The following SEC63 variants were observed in gnomAD, a reference collection of about 807,000 sequenced individuals.
SEC63 encodes translocation protein SEC63 homolog.
Under a neutral mutation model 116.2 loss-of-function variants are expected in SEC63, and 56 were observed. The ratio of observed to expected loss-of-function variants is 0.48; its 90% confidence interval spans 0.39 to 0.60. SEC63 has a LOEUF of 0.60. Among genes scored for constraint, SEC63 ranks in the 20% least tolerant of loss-of-function variants. The pLI is 0.00. For missense variants in SEC63, 668 were observed against 900.0 expected (o/e 0.74, Z 3.30); for synonymous variants, 273 against 294.6 (o/e 0.93, Z 0.75).
At chr6:107,910,833 A>G (rs145077528) in intron 7 of SEC63, among the ~76,000 whole-genome samples, 2 of 151,720 alleles carry the variant, frequency 1.3e-5, no homozygotes, top group African/African-American at 2.4e-5. Flanking sequence ...TAGTGGCACA[A>G]TCTCGGCTCA....
intron 7 of SEC63, among the ~76,000 whole-genome samples, chr6:107,910,043 T>A (rs1466129302): frequency 6.6e-6 from 1 of 152,194 alleles, no homozygotes; most frequent in Non-Finnish European, 1.5e-5. Context: ...AGGTTTTTTT[T>A]AAAATGAATG....
chr6:107,934,786 G>A lies in SEC63; in HGVS notation c.125-5272C>T, dbSNP rs1454745682. On this transcript the variant is annotated intron_variant, in intron 1 of 20. Coordinates refer to ENST00000369002, the MANE Select transcript of SEC63 (RefSeq NM_007214.5). Reference sequence around the variant, plus strand: ...AGGTGAGGGGCGCCTCTGCCCAGCCGCCCCTACTGGGAAGTGAGGAGCCCC... The same window carrying A: ...AGGTGAGGGGCGCCTCTGCCCAGCCACCCCTACTGGGAAGTGAGGAGCCCC... Among the ~76,000 whole-genome samples the A allele has an allele frequency of 9.4e-3, 86 of 9,194 alleles. 28 individuals are homozygous for A. Among genetic ancestry groups the A allele is most frequent in the Admixed American group, 0.09 (78 of 870 alleles). The allele number at this position is 9,194 out of a possible 152,430, so 6.0% of individuals were successfully genotyped here. A position where few individuals can be genotyped will look rare whatever the true frequency, so the allele number is the denominator to read the frequency against.
chr6:107,881,873 T>G (rs1562314298), intron 17 of SEC63, among the ~76,000 whole-genome samples: 1 of 152,210 alleles, frequency 6.6e-6, no homozygotes, highest in African/African-American at 2.4e-5. Context: ...TTAGACAGCC[T>G]TGGGATGTGA....
chr6:107,919,776 C>T (rs530374229), intron 4 of SEC63, among the ~76,000 whole-genome samples: 13 of 150,976 alleles, frequency 8.6e-5, no homozygotes, highest in Middle Eastern at 3.4e-3. Context: ...GAGCCAAGAT[C>T]GCGCCACTCC....
chr6:107,934,261 C>G (rs1274950330), intron 1 of SEC63, among the ~76,000 whole-genome samples: 3 of 151,720 alleles, frequency 2.0e-5, no homozygotes, highest in Admixed American at 2.0e-4. Context: ...GCCGCCATCC[C>G]GTCTAGGAAG....
At chr6:107,947,810 T>C (rs911615257) in intron 1 of SEC63, among the ~76,000 whole-genome samples, 1 of 152,098 alleles carries the variant, frequency 6.6e-6, no homozygotes, top group Admixed American at 6.6e-5. Context: ...GCCTCTGAAA[T>C]GGACACCCCC....
In SEC63 at chr6:107,883,237, C is replaced by T. The variant is rs1786453373; in HGVS notation, c.1675-91G>A. The T allele has an allele frequency of 4.1e-6, 6 of 1,467,954 alleles. No homozygotes were observed. In the South Asian group the frequency reaches 4.7e-5, roughly 12 times the overall value. The allele number at this position is 1,467,954 out of a possible 1,614,324, so 90.9% of individuals were successfully genotyped here. A position where few individuals can be genotyped will look rare whatever the true frequency, so the allele number is the denominator to read the frequency against. ...TGAAGTTAACTTATTGTCAATTTAACTAAACTGACTCGATGACAATTTCAC... is the reference window on the plus strand; with the variant it reads ...TGAAGTTAACTTATTGTCAATTTAATTAAACTGACTCGATGACAATTTCAC... On this transcript the variant is annotated intron_variant, in intron 16 of 20. Transcript: ENST00000369002.
intron 16 of SEC63, among the ~76,000 whole-genome samples, chr6:107,888,677 CAA>C (rs1786598406): frequency 1.3e-5 from 2 of 152,262 alleles, no homozygotes; most frequent in South Asian, 2.1e-4. Flanking sequence ...TGCTGGTTTT[CAA>C]AGAGAAGGCT....
chr6:107,934,320 G>A (rs1335725138), intron 1 of SEC63, among the ~76,000 whole-genome samples: 18 of 150,806 alleles, frequency 1.2e-4, no homozygotes, highest in South Asian at 4.2e-4. Context: ...AGTGAGGAGC[G>A]CCTCTTCCCG....
chr6:107,871,975 A>C, intron 20 of SEC63, 128 bp from the exon 21 acceptor site: 1 of 869,506 alleles, frequency 1.2e-6, no homozygotes, highest in African/African-American at 1.7e-5. Context: ...ACACAATTCT[A>C]AATTCAACTC....
chr6:107,883,275 AT>A (rs2114407123), intron 16 of SEC63, 129 bp from the exon 17 acceptor site: 2 of 1,129,170 alleles, frequency 1.8e-6, no homozygotes, highest in South Asian at 1.5e-5. Flanking sequence ...TTCATATACA[AT>A]TTTTTAAAAT....
intron 1 of SEC63, among the ~76,000 whole-genome samples, chr6:107,953,908 C>G (rs1315175544): frequency 1.3e-5 from 2 of 151,994 alleles, no homozygotes; most frequent in Non-Finnish European, 2.9e-5. Flanking sequence ...TCTCCTCAGC[C>G]GCCCCTACTG....
chr6:107,928,767 A>C (rs1476149072), intron 2 of SEC63, among the ~76,000 whole-genome samples: 21 of 152,184 alleles, frequency 1.4e-4, no homozygotes, highest in Admixed American at 1.4e-3. Context: ...ACGCAGGATA[A>C]ATGTCCAAAG....
chr6:107,880,218 C>G (rs1306819697), intron 18 of SEC63, among the ~76,000 whole-genome samples: 1 of 152,212 alleles, frequency 6.6e-6, no homozygotes, highest in East Asian at 1.9e-4. Context: ...TCATTTATTA[C>G]TAAGAGAGCC....
chr6:107,893,622 C>T lies in SEC63; in HGVS notation c.1534G>A (p.Gly512Arg), dbSNP rs760289358. ...GGTCCTTTACTCTTCTGTTGCCATC[C>T]TCCTTTTGTCCTGTTCTTGTTAGTT... ...GETNKNRTKG[G>R]WQQKSKGPKK... The change falls in exon 16 of 21, where the codon GGA becomes AGA. Residue 512 changes from glycine (G) to arginine (R), a missense_variant. Around this residue, in one of 5 missense-constraint regions of SEC63, gnomAD observed 430 missense variants for 557.5 expected, o/e 0.77. Coordinates refer to ENST00000369002, the MANE Select transcript of SEC63 (RefSeq NM_007214.5). 6.2e-7 allele frequency: 1 copy of T among 1,613,204 alleles called. No individual in the cohort carries two copies. The highest frequency in any genetic ancestry group is 1.1e-5 in the South Asian group (1 of 90,932).
At chr6:107,935,547 A>G (rs1770224632) in intron 1 of SEC63, among the ~76,000 whole-genome samples, 4 of 147,516 alleles carry the variant, frequency 2.7e-5, no homozygotes, top group African/African-American at 7.6e-5. Context: ...TAAATGGATT[A>G]AGGGTGGTGC....
rs180693431 is a variant in SEC63 at position 107,885,750 on chromosome 6, C to T, written c.1675-2604G>A. Among the ~76,000 whole-genome samples, 325 of 152,200 alleles carry T rather than the reference C, an allele frequency of 2.1e-3. 1 individual carries two copies. The highest frequency in any genetic ancestry group is 7.2e-3 in the African/African-American group (299 of 41,530). Reference sequence around the variant, plus strand: ...GCACTTACACTACCATATCTTAAGACTTAACATAAAGCTACAACAATTAAA... The same window carrying T: ...GCACTTACACTACCATATCTTAAGATTTAACATAAAGCTACAACAATTAAA... On this transcript the variant is annotated intron_variant, in intron 16 of 20. Transcript: ENST00000369002.
At chr6:107,948,981 G>A (rs4946878) in intron 1 of SEC63, among the ~76,000 whole-genome samples, 108,557 of 152,000 alleles carry the variant, frequency 0.71, 42,271 homozygotes, top group South Asian at 0.9. Context: ...TCTGTGGTTC[G>A]CCCCATGTTC....
intron 4 of SEC63, among the ~76,000 whole-genome samples, chr6:107,917,452 T>C (rs1787432736): frequency 6.6e-6 from 1 of 152,070 alleles, no homozygotes; most frequent in African/African-American, 2.4e-5. Context: ...GGCCTCTAAA[T>C]GTTTAAACGA....
Sources: gnomAD v4.1 joint callset for allele counts (sites outside exome capture counted in the v4.1 genomes callset) on GRCh38, gnomAD v4.1.1 for gene constraint, gnomAD v4.1.1 regional missense constraint, MANE v1.5 for transcripts, NCBI Gene and HGNC (gene_info 2026-07-23, HGNC 2026-07-21) for gene names.